The following GALK2 variants were observed in gnomAD, a reference collection of about 807,000 sequenced individuals.
The protein encoded by GALK2 is N-acetylgalactosamine kinase.
In GALK2, 36 loss-of-function variants were observed where a neutral mutation model predicts 52.4. The observed-to-expected ratio is 0.69, with a 90% confidence interval of 0.53 to 0.91. The LOEUF (loss-of-function observed/expected upper bound fraction) is 0.91, where lower values mean the gene tolerates loss of function less well. GALK2 is among the 40% of genes least tolerant of loss of function. The probability of loss-of-function intolerance (pLI) is 0.00; values close to 1 mark genes in which losing one functional copy is unlikely to be tolerated. For synonymous variants in GALK2, 176 were observed against 199.1 expected (o/e 0.88, Z 0.98); for missense variants, 579 against 559.1 (o/e 1.04, Z -0.36).
At chr15:49,238,967 C>G (rs980012704) in intron 4 of GALK2, among the ~76,000 whole-genome samples, 1 of 151,836 alleles carries the variant, frequency 6.6e-6, no homozygotes, top group Non-Finnish European at 1.5e-5. Flanking sequence ...TTTCCATATT[C>G]AAATCAATTA....
Position 49,283,657 on chromosome 15 carries a change from T to C in GALK2, c.695T>C (p.Met232Thr), listed in dbSNP as rs760258023. The C allele has an allele frequency of 9.9e-6, 16 of 1,613,984 alleles. No homozygotes were observed. The highest frequency in any genetic ancestry group is 2.7e-5 in the African/African-American group (2 of 74,914). Reference sequence around the variant, plus strand: ...GTGATTGCCAACAGTTGTGTGGAGATGAATAAGGCAGCAACTTCCCATTTC... The same window carrying C: ...GTGATTGCCAACAGTTGTGTGGAGACGAATAAGGCAGCAACTTCCCATTTC... ...VFVIANSCVE[M>T]NKAATSHFNI... Residue 232 changes from methionine to threonine, a missense_variant, in exon 7 of 10, where the codon ATG becomes ACG. Coordinates refer to ENST00000560031, the MANE Select transcript of GALK2 (RefSeq NM_002044.4).
rs1241710232 is a variant in GALK2 at position 49,268,145 on chromosome 15, A to G, written c.505-13842A>G. Among the ~76,000 whole-genome samples, 3 of 152,236 alleles carry G rather than the reference A, an allele frequency of 2.0e-5. No individual in the cohort carries two copies. The East Asian group carries it at 5.8e-4, about 29-fold the overall frequency. ...AACAAATAGTTTAGGTATTAGAGAT[A>G]CAAGGTGAACAGAATGACTCCTCCC... On this transcript the variant is annotated intron_variant, in intron 5 of 9. Transcript: ENST00000560031.
intron 1 of GALK2, among the ~76,000 whole-genome samples, chr15:49,197,299 G>A (rs911994186): frequency 1.3e-5 from 2 of 151,980 alleles, no homozygotes; most frequent in Non-Finnish European, 2.9e-5. Flanking sequence ...TCCTATTTTA[G>A]GAGCAAAATT....
At chr15:49,312,568 A>G (rs75728141) in intron 8 of GALK2, among the ~76,000 whole-genome samples, 9,183 of 152,232 alleles carry the variant, frequency 0.06, 551 homozygotes, top group African/African-American at 0.15. Flanking sequence ...TCCCCAGCTT[A>G]GAGACAGCCT....
chr15:49,366,717 C>G, intron 3 of GALK2: 1 of 1,215,896 alleles, frequency 8.2e-7, no homozygotes, highest in Non-Finnish European at 1.2e-6. Context: ...GGTGGCGCGG[C>G]GCGGCTCACT....
intron 3 of GALK2, among the ~76,000 whole-genome samples, chr15:49,358,611 T>C (rs2043600535): frequency 6.7e-6 from 1 of 149,224 alleles, no homozygotes; most frequent in African/African-American, 2.5e-5. Flanking sequence ...TGGAAGAACA[T>C]TCCATGCTCA....
At chr15:49,341,418 T>C (rs532846307) in intron 3 of GALK2, among the ~76,000 whole-genome samples, 3 of 152,350 alleles carry the variant, frequency 2.0e-5, no homozygotes, top group African/African-American at 7.2e-5. Context: ...TTGTGTCACC[T>C]ATGATTTCTT....
chr15:49,321,249 C>T (rs2036848590), intron 9 of GALK2, among the ~76,000 whole-genome samples: 1 of 151,926 alleles, frequency 6.6e-6, no homozygotes. Context: ...AATGCATAGG[C>T]CCTGAGGTGG....
chr15:49,248,766 G>T (rs536812636), intron 5 of GALK2, among the ~76,000 whole-genome samples: 1 of 152,132 alleles, frequency 6.6e-6, no homozygotes, highest in Non-Finnish European at 1.5e-5. Context: ...CTTTGCAGAC[G>T]TTGTTTGGGT....
At position 49,290,951 on chromosome 15, in the gene GALK2, T is replaced by TTTTTG. The variant is rs1229836746; in HGVS notation, c.757-1361_757-1357dup. Among the ~76,000 whole-genome samples the TTTTTG allele has an allele frequency of 4.6e-5, 7 of 152,100 alleles. 1 individual carries two copies. Among genetic ancestry groups the TTTTTG allele is most frequent in the Admixed American group, 4.6e-4 (7 of 15,272 alleles). ...TATTAACTAGTTGAGTTACTTTGTT[T>TTTTTG]TTTTGTTTTGTTTTGTTTTTTTGAG... is the stretch of plus-strand genomic sequence containing the variant. On this transcript the variant is annotated intron_variant, in intron 7 of 9. Transcript: ENST00000560031.
chr15:49,254,867 T>A (rs939281504), intron 5 of GALK2, among the ~76,000 whole-genome samples: 2 of 144,358 alleles, frequency 1.4e-5, no homozygotes, highest in Admixed American at 1.4e-4. Context: ...CCACTTAAAA[T>A]TTTTTTCCAA....
At chr15:49,264,983 A>C (rs2092299721) in intron 5 of GALK2, among the ~76,000 whole-genome samples, 1 of 151,990 alleles carries the variant, frequency 6.6e-6, no homozygotes, top group Middle Eastern at 3.2e-3. Flanking sequence ...GTCTGCCCCT[A>C]CTGGGGGGTG....
intron 6 of GALK2, 29 bp from the exon 7 acceptor site, chr15:49,283,537 T>G: frequency 6.4e-7 from 1 of 1,569,044 alleles, no homozygotes; most frequent in Non-Finnish European, 8.7e-7. Context: ...TAATAAATTA[T>G]ATTTCTCCTT....
Position 49,329,411 on chromosome 15 carries a change from C to CA in GALK2, c.*1259dup, listed in dbSNP as rs1203104768. ...CAATGGTTTTATGGCATGAATTATC[C>CA]AAAAAAATATCAGAATTACTTATTA... On this transcript the variant is annotated 3_prime_UTR_variant, in exon 10 of 10. Coordinates refer to ENST00000560031, the MANE Select transcript of GALK2 (RefSeq NM_002044.4). The CA allele has an allele frequency of 1.5e-5, 15 of 984,694 alleles. No individual in the cohort carries two copies. The highest frequency in any genetic ancestry group is 6.2e-5 in the Admixed American group (1 of 16,232). 61.0% of individuals were successfully genotyped at this position (984,694 alleles called of 1,614,324 possible). A position where few individuals can be genotyped will look rare whatever the true frequency, so the allele number is the denominator to read the frequency against.
At chr15:49,161,218 C>T (rs554607225) in intron 1 of GALK2, among the ~76,000 whole-genome samples, 2 of 152,200 alleles carry the variant, frequency 1.3e-5, no homozygotes, top group South Asian at 2.1e-4. Flanking sequence ...ACTGGGTGAA[C>T]GGCAGCTAAA....
rs571035992 is a variant in GALK2 at position 49,338,421 on chromosome 15, A to T, written c.426+18616A>T. ...GCTGGATATGAAATTCTGGGTTGAA[A>T]ATTCTTTTCTTTAAGAATGTTGAAT... On this transcript the variant is annotated intron_variant, in intron 3 of 3. Transcript: ENST00000558399. Among the ~76,000 whole-genome samples the T allele has an allele frequency of 4.9e-3, 739 of 152,276 alleles. 11 individuals carry two copies. Among genetic ancestry groups the T allele is most frequent in the African/African-American group, 0.017 (714 of 41,556 alleles).
intron 1 of GALK2, among the ~76,000 whole-genome samples, chr15:49,157,427 T>C (rs1023339154): frequency 6.6e-6 from 1 of 152,198 alleles, no homozygotes; most frequent in Non-Finnish European, 1.5e-5. Flanking sequence ...ATTTATTTTA[T>C]TTTGAATTGG....
chr15:49,335,107 G>A (rs2039473001), downstream of GALK2, among the ~76,000 whole-genome samples: 1 of 152,134 alleles, frequency 6.6e-6, no homozygotes, highest in Non-Finnish European at 1.5e-5. Flanking sequence ...TAGTCTTCCA[G>A]GGCTTATCTT....
chr15:49,307,497 C>T (rs903642522), intron 8 of GALK2, among the ~76,000 whole-genome samples: 7 of 152,114 alleles, frequency 4.6e-5, no homozygotes, highest in Non-Finnish European at 8.8e-5. Context: ...ATGGTACAGA[C>T]ATGGGATGAT....
Sources: allele counts gnomAD v4.1 joint callset (sites outside exome capture counted in the v4.1 genomes callset), GRCh38; gene constraint gnomAD v4.1.1; transcripts MANE v1.5; gene names NCBI Gene and HGNC (gene_info 2026-07-23, HGNC 2026-07-21).